SLC12A6: variants seen among roughly 807,000 people sequenced by gnomAD.
The protein encoded by SLC12A6 is solute carrier family 12 member 6.
In SLC12A6, 66 loss-of-function variants were observed where a neutral mutation model predicts 135.3. The ratio of observed to expected loss-of-function variants is 0.49; its 90% confidence interval spans 0.40 to 0.60. The LOEUF is 0.60. SLC12A6 is among the 20% of genes least tolerant of loss of function. SLC12A6 has a pLI of 0.00. For missense variants in SLC12A6, 1,058 were observed against 1,452.3 expected, an observed-to-expected ratio of 0.73 and a Z score of 4.41; for synonymous variants, 513 against 508.8, an observed-to-expected ratio of 1.01 and a Z score of -0.11.
intron 25 of SLC12A6, among the ~76,000 whole-genome samples, chr15:34,234,233 A>G (rs1314103522): frequency 6.6e-6 from 1 of 152,202 alleles, no homozygotes; most frequent in Admixed American, 6.5e-5. Flanking sequence ...ATAAGATAAA[A>G]ATGATGAAAG....
At chr15:34,310,888 G>A (rs1210582360) in intron 2 of SLC12A6, among the ~76,000 whole-genome samples, 1 of 151,552 alleles carries the variant, frequency 6.6e-6, no homozygotes, top group Non-Finnish European at 1.5e-5. Flanking sequence ...CCACAGTGCT[G>A]GCATTACAGG....
intron 3 of SLC12A6, 140 bp from the exon 4 acceptor site, chr15:34,261,160 C>G (rs573248350): frequency 3.0e-6 from 2 of 658,282 alleles, no homozygotes; most frequent in East Asian, 2.7e-5. Context: ...TCAATCAGCA[C>G]TGCTTGGAGA....
At chr15:34,333,896 C>A (rs1890027374) in intron 2 of SLC12A6, among the ~76,000 whole-genome samples, 1 of 151,832 alleles carries the variant, frequency 6.6e-6, no homozygotes, top group Non-Finnish European at 1.5e-5. Context: ...CATGATGAAA[C>A]CCCATCTCTA....
intron 2 of SLC12A6, among the ~76,000 whole-genome samples, chr15:34,311,929 C>G (rs74010057): frequency 0.11 from 16,162 of 152,176 alleles, 978 homozygotes; most frequent in South Asian, 0.16. Context: ...AGGGTCCCGT[C>G]CAGTTAATAT....
chr15:34,254,344 G>A lies in SLC12A6; in HGVS notation c.1118+4C>T, dbSNP rs773294017. 49 of 1,612,356 alleles carry A rather than the reference G, an allele frequency of 3.0e-5. 1 individual carries two copies. Among genetic ancestry groups the A allele is most frequent in the South Asian group, 1.5e-4 (14 of 91,060 alleles). ...GATGGCTAGGCAGAGAGACAGACACGTACGGGAAGTGTGGAGGAGCAAAAG... is the reference window on the plus strand; with the variant it reads ...GATGGCTAGGCAGAGAGACAGACACATACGGGAAGTGTGGAGGAGCAAAAG... On this transcript the variant is annotated splice_donor_region_variant and intron_variant, in intron 9 of 25. Coordinates refer to ENST00000354181, the MANE Select transcript of SLC12A6 (RefSeq NM_001365088.1).
Position 34,236,208 on chromosome 15 carries a change from G to A in SLC12A6, c.3043-9C>T. ...TCTTTCACCAATTGTGCCTGAGGAA[G>A]AAGGTCCAACACAAGTTATTCTACC... is the stretch of plus-strand genomic sequence containing the variant. On this transcript the variant is annotated splice_polypyrimidine_tract_variant and intron_variant, in intron 23 of 25. Coordinates refer to ENST00000354181, the MANE Select transcript of SLC12A6 (RefSeq NM_001365088.1). The A allele has an allele frequency of 1.2e-6, 2 of 1,611,404 alleles. No individual in the cohort carries two copies. Among genetic ancestry groups the A allele is most frequent in the South Asian group, 2.2e-5 (2 of 90,992 alleles).
intron 2 of SLC12A6, among the ~76,000 whole-genome samples, chr15:34,288,444 C>A (rs1440693563): frequency 6.6e-6 from 1 of 152,172 alleles, no homozygotes; most frequent in Non-Finnish European, 1.5e-5. Flanking sequence ...TCTTCTTGCA[C>A]AGGATTGCCT....
At chr15:34,241,680 G>A (rs1566804210) in intron 17 of SLC12A6, among the ~76,000 whole-genome samples, 1 of 152,190 alleles carries the variant, frequency 6.6e-6, no homozygotes, top group East Asian at 1.9e-4. Context: ...ATAATGCAGA[G>A]AAAGTAAAGT....
chr15:34,327,672 T>A (rs988885331), intron 2 of SLC12A6, among the ~76,000 whole-genome samples: 7 of 151,392 alleles, frequency 4.6e-5, no homozygotes, highest in African/African-American at 1.7e-4. Context: ...AAAAAAAAAA[T>A]TAGATATGGT....
intron 2 of SLC12A6, among the ~76,000 whole-genome samples, chr15:34,310,442 C>T (rs182816297): frequency 2.0e-4 from 10 of 51,000 alleles, no homozygotes; most frequent in Non-Finnish European, 2.5e-4. Flanking sequence ...TGTGTGTCCC[C>T]GTGTCCAGGC....
At chr15:34,320,743 T>C (rs767482467) in intron 2 of SLC12A6, among the ~76,000 whole-genome samples, 12 of 151,722 alleles carry the variant, frequency 7.9e-5, no homozygotes, top group South Asian at 2.1e-4. Context: ...AGTGAAACCC[T>C]GTCTCTACTA....
intron 4 of SLC12A6, among the ~76,000 whole-genome samples, chr15:34,259,347 A>C (rs1011559779): frequency 3.3e-5 from 5 of 151,698 alleles, no homozygotes; most frequent in Non-Finnish European, 1.5e-5. Context: ...TCTCAAAAAA[A>C]AAAAAAAAAT....
chr15:34,243,172 A>G (rs1465515263), intron 16 of SLC12A6, among the ~76,000 whole-genome samples: 1 of 152,034 alleles, frequency 6.6e-6, no homozygotes, highest in African/African-American at 2.4e-5. Context: ...GATTACAGGC[A>G]TGAGCCACCA....
chr15:34,316,591 T>A (rs1487463457), intron 2 of SLC12A6, among the ~76,000 whole-genome samples: 1 of 152,218 alleles, frequency 6.6e-6, no homozygotes, highest in African/African-American at 2.4e-5. Flanking sequence ...AAATGCTTAT[T>A]AAACTCAATT....
In SLC12A6 at chr15:34,238,987, G is replaced by A. The variant is rs762043831; in HGVS notation, c.2610C>T (p.Ala870=). Reference sequence around the variant, plus strand: ...TACCAATAAAAGTCTTCCAAGCGCGGGCATCTTCGCTTTGACGCCAGCCAT... The same window carrying A: ...TACCAATAAAAGTCTTCCAAGCGCGAGCATCTTCGCTTTGACGCCAGCCAT... ...WPNGWRQSED[A]RAWKTFIGTV... Residue 870 remains alanine, a synonymous_variant, in exon 20 of 26, where the codon GCC becomes GCT. Transcript: ENST00000354181. The A allele has an allele frequency of 1.2e-5, 19 of 1,613,958 alleles. No individual in the cohort carries two copies.
At chr15:34,285,717 T>TACACACACACACACACACACACACACACA (rs144158165) in intron 2 of SLC12A6, among the ~76,000 whole-genome samples, 2 of 131,108 alleles carry the variant, frequency 1.5e-5, no homozygotes, top group Non-Finnish European at 3.2e-5. Flanking sequence ...TGTGTGTTTG[T>TACACACACACACACACACACACACACACA]CATACATAAA....
At chr15:34,247,349 C>G (rs1323532055) in intron 13 of SLC12A6, among the ~76,000 whole-genome samples, 1 of 151,974 alleles carries the variant, frequency 6.6e-6, no homozygotes, top group Non-Finnish European at 1.5e-5. Flanking sequence ...AACCCCATCT[C>G]TACTAAAAAT....
chr15:34,283,186 T>C (rs1347548985), intron 2 of SLC12A6, among the ~76,000 whole-genome samples: 1 of 151,822 alleles, frequency 6.6e-6, no homozygotes, highest in Non-Finnish European at 1.5e-5. Flanking sequence ...CAACTAAAAA[T>C]ACAAAAATCA....
At chr15:34,290,206 T>C (rs1895419335) in intron 2 of SLC12A6, among the ~76,000 whole-genome samples, 1 of 152,200 alleles carries the variant, frequency 6.6e-6, no homozygotes, top group Non-Finnish European at 1.5e-5. Context: ...TCAAAGAACA[T>C]CTTTATTTCT....
Sources: allele counts gnomAD v4.1 joint callset (sites outside exome capture counted in the v4.1 genomes callset), GRCh38; gene constraint gnomAD v4.1.1; transcripts MANE v1.5; gene names NCBI Gene and HGNC (gene_info 2026-07-23, HGNC 2026-07-21).